Variants in KCNIP1 observed in about 807,000 individuals in gnomAD.
KCNIP1 encodes potassium voltage-gated channel interacting protein 1, also known as A-type potassium channel modulatory protein KCNIP1.
Under a neutral mutation model 33.0 loss-of-function variants are expected in KCNIP1, and 18 were observed. The ratio of observed to expected loss-of-function variants is 0.55; its 90% confidence interval spans 0.38 to 0.81. The LOEUF (loss-of-function observed/expected upper bound fraction) is 0.81, where lower values mean the gene tolerates loss of function less well. Ranked by LOEUF, KCNIP1 falls within the 30% of genes least tolerant of loss-of-function variation. The pLI is 0.00. For missense variants in KCNIP1, 238 were observed against 271.6 expected (o/e 0.88, Z 0.87); for synonymous variants, 93 against 98.3 (o/e 0.95, Z 0.32).
At chr5:170,594,715 TG>T (rs1477299985) in intron 1 of KCNIP1, among the ~76,000 whole-genome samples, 7 of 152,172 alleles carry the variant, frequency 4.6e-5, no homozygotes, top group African/African-American at 1.7e-4. Flanking sequence ...TTCACCATGT[TG>T]GCCAGGCTGC....
chr5:170,563,632 G>GT (rs34263461), intron 1 of KCNIP1, among the ~76,000 whole-genome samples: 1,834 of 149,118 alleles, frequency 0.012, 17 homozygotes, highest in African/African-American at 0.021. Context: ...AAGGTGTTTT[G>GT]TTTTTTTTTT....
chr5:170,573,886 T>C (rs1053067908), intron 1 of KCNIP1, among the ~76,000 whole-genome samples: 59 of 152,186 alleles, frequency 3.9e-4, no homozygotes, highest in African/African-American at 1.4e-3. Flanking sequence ...TGCAATGTGA[T>C]GTTAGTGGCT....
chr5:170,620,672 A>T (rs1759566856), intron 1 of KCNIP1, among the ~76,000 whole-genome samples: 5 of 152,184 alleles, frequency 3.3e-5, no homozygotes, highest in Admixed American at 2.0e-4. Context: ...TTTTTGGAGA[A>T]ATAAAACAAA....
At chr5:170,415,689 T>C (rs1755309335) in intron 1 of KCNIP1, among the ~76,000 whole-genome samples, 1 of 152,176 alleles carries the variant, frequency 6.6e-6, no homozygotes, top group Non-Finnish European at 1.5e-5. Context: ...CTGGTGTCTC[T>C]CTCGTTTGCT....
At chr5:170,719,601 T>G (rs1026631229) in intron 2 of KCNIP1, among the ~76,000 whole-genome samples, 1 of 152,140 alleles carries the variant, frequency 6.6e-6, no homozygotes, top group Non-Finnish European at 1.5e-5. Context: ...TCACCCTCCC[T>G]CCAGGTGCAG....
chr5:170,569,332 C>T (rs747163338), intron 1 of KCNIP1, among the ~76,000 whole-genome samples: 1 of 152,370 alleles, frequency 6.6e-6, no homozygotes, highest in South Asian at 2.1e-4. Context: ...GGGGCTTTCC[C>T]GGACCAGCTT....
intron 1 of KCNIP1, among the ~76,000 whole-genome samples, chr5:170,421,370 G>A (rs1053378000): frequency 1.3e-5 from 2 of 152,210 alleles, no homozygotes; most frequent in South Asian, 4.1e-4. Flanking sequence ...AAATCATGTG[G>A]TCTCTCTTTT....
chr5:170,522,298 T>C (rs1755393603), intron 1 of KCNIP1, among the ~76,000 whole-genome samples: 1 of 152,240 alleles, frequency 6.6e-6, no homozygotes, highest in Non-Finnish European at 1.5e-5. Flanking sequence ...CTGCAGCAGA[T>C]GGTCAGAGCC....
At chr5:170,406,498 C>A (rs1344589657) in intron 1 of KCNIP1, among the ~76,000 whole-genome samples, 6 of 152,164 alleles carry the variant, frequency 3.9e-5, no homozygotes, top group African/African-American at 1.4e-4. Context: ...AGGATTTTGA[C>A]AAGAAATGGC....
intron 1 of KCNIP1, among the ~76,000 whole-genome samples, chr5:170,548,737 T>C (rs1248022430): frequency 1.3e-5 from 2 of 152,242 alleles, no homozygotes; most frequent in East Asian, 1.9e-4. Context: ...CTCTTCCCAC[T>C]TGGTAGGGCC....
At chr5:170,438,136 G>A (rs1265417781) in intron 1 of KCNIP1, among the ~76,000 whole-genome samples, 3 of 152,138 alleles carry the variant, frequency 2.0e-5, no homozygotes, top group Non-Finnish European at 2.9e-5. Context: ...GGCTCTCTCC[G>A]TCCCTCCAGA....
chr5:170,709,528 T>G (rs879863390), intron 1 of KCNIP1, among the ~76,000 whole-genome samples: 41 of 152,232 alleles, frequency 2.7e-4, no homozygotes, highest in Non-Finnish European at 5.3e-4. Flanking sequence ...TTCTGTGCCC[T>G]TATGCTTACA....
chr5:170,597,801 ATATATATATATATATAT>A (rs1475893453), intron 1 of KCNIP1, among the ~76,000 whole-genome samples: 1 of 2,088 alleles, frequency 4.8e-4, no homozygotes, highest in Non-Finnish European at 2.7e-3. Context: ...ATATATATAT[ATATATATATATATATAT>A]ATATATATAT....
chr5:170,512,968 T>C (rs912702932), intron 1 of KCNIP1, among the ~76,000 whole-genome samples: 1 of 151,658 alleles, frequency 6.6e-6, no homozygotes, highest in Non-Finnish European at 1.5e-5. Context: ...GAGAATGGCG[T>C]GAACCCAGGA....
chr5:170,562,145 G>C (rs535961769), intron 1 of KCNIP1, among the ~76,000 whole-genome samples: 65 of 152,344 alleles, frequency 4.3e-4, no homozygotes, highest in African/African-American at 1.3e-3. Context: ...AAGAAAAGAG[G>C]CAGCCGGCCC....
At chr5:170,585,514 AG>A in intron 1 of KCNIP1, among the ~76,000 whole-genome samples, 1 of 152,114 alleles carries the variant, frequency 6.6e-6, no homozygotes, top group Non-Finnish European at 1.5e-5. Flanking sequence ...AGAGGTGTTC[AG>A]CTCCACCCAC....
intron 1 of KCNIP1, among the ~76,000 whole-genome samples, chr5:170,365,483 G>T (rs148622454): frequency 1.2e-3 from 178 of 152,308 alleles, no homozygotes; most frequent in Middle Eastern, 3.4e-3. Flanking sequence ...GGGCCATTTG[G>T]TTCATCTTTG....
chr5:170,511,696 A>G (rs972053549), intron 1 of KCNIP1, among the ~76,000 whole-genome samples: 3 of 152,222 alleles, frequency 2.0e-5, no homozygotes, highest in African/African-American at 7.2e-5. Context: ...CTGGAGGACA[A>G]GATGCTATTA....
chr5:170,550,627 ATGATGGTGATGACAATGATGGTAACAG>A (rs1400599637), intron 1 of KCNIP1, among the ~76,000 whole-genome samples: 9 of 152,166 alleles, frequency 5.9e-5, no homozygotes, highest in Admixed American at 5.2e-4. Context: ...GATGGTGATG[ATGATGGTGATGACAATGATGGTAACAG>A]TGATGATGAC....
Sources: allele counts gnomAD v4.1 joint callset (sites outside exome capture counted in the v4.1 genomes callset), GRCh38; gene constraint gnomAD v4.1.1; transcripts MANE v1.5; gene names NCBI Gene and HGNC (gene_info 2026-07-23, HGNC 2026-07-21).